The following MAGI3 variants were observed in gnomAD, a reference collection of about 807,000 sequenced individuals.
MAGI3 encodes membrane-associated guanylate kinase, WW and PDZ domain-containing protein 3.
A neutral mutation model predicts 121.8 loss-of-function variants in MAGI3; 43 were observed. The observed-to-expected ratio is 0.35, with a 90% CI of 0.28 to 0.46. The LOEUF (loss-of-function observed/expected upper bound fraction) is 0.46. MAGI3 is among the 20% of genes least tolerant of loss of function. MAGI3 has a pLI of 1.00. For missense variants in MAGI3, 1,547 were observed against 1,797.3 expected, an observed-to-expected ratio of 0.86 and a Z score of 2.52; for synonymous variants, 553 against 639.3, an observed-to-expected ratio of 0.86 and a Z score of 2.04.
At position 113,549,490 on chromosome 1, in the gene MAGI3, T is replaced by G. The variant is rs200084576; in HGVS notation, c.317-25T>G. ...CTAAAAATTATGCATTTATTTTCTGTTTTTTTTTTTTGTCTTTGCTCCAGG... is the reference window on the plus strand; with the variant it reads ...CTAAAAATTATGCATTTATTTTCTGGTTTTTTTTTTTGTCTTTGCTCCAGG... On this transcript the variant is annotated intron_variant, in intron 1 of 20. Transcript: ENST00000307546. The G allele has an allele frequency of 1.2e-3, 749 of 607,096 alleles. No homozygotes were observed. Among genetic ancestry groups the G allele is most frequent in the East Asian group, 2.0e-3 (40 of 20,144 alleles). 37.6% of individuals were successfully genotyped at this position (607,096 alleles called of 1,614,324 possible).
chr1:113,589,634 T>C (rs1374987304), intron 4 of MAGI3, among the ~76,000 whole-genome samples: 1 of 151,914 alleles, frequency 6.6e-6, no homozygotes, highest in African/African-American at 2.4e-5. Context: ...ATGGTTGGAG[T>C]TGAAATACTA....
intron 1 of MAGI3, among the ~76,000 whole-genome samples, chr1:113,521,009 T>G (rs1658148818): frequency 6.6e-6 from 1 of 152,148 alleles, no homozygotes; most frequent in Admixed American, 6.5e-5. Context: ...TGCTGGAACC[T>G]ATTTAGGCTC....
rs538966774 is a variant in MAGI3 at position 113,668,528 on chromosome 1, T to C, written c.2816-3206T>C. Among the ~76,000 whole-genome samples the C allele has an allele frequency of 2.0e-4, 30 of 151,322 alleles. 1 individual carries two copies. The East Asian group carries it at 5.6e-3, about 28-fold the overall frequency. ...GAATCCCAGTGATAGGAAGTTTTAC[T>C]TAAATTTGATGAAGACAACAAAACA... On this transcript the variant is annotated intron_variant, in intron 16 of 20. Coordinates refer to ENST00000307546, the MANE Select transcript of MAGI3 (RefSeq NM_001142782.2).
intron 1 of MAGI3, among the ~76,000 whole-genome samples, chr1:113,517,245 G>T (rs1246988151): frequency 1.3e-5 from 2 of 151,698 alleles, no homozygotes; most frequent in South Asian, 4.2e-4. Flanking sequence ...TTGATAATAG[G>T]GGGAATTGGT....
At chr1:113,555,353 A>G (rs909396225) in intron 2 of MAGI3, among the ~76,000 whole-genome samples, 2 of 152,232 alleles carry the variant, frequency 1.3e-5, no homozygotes, top group African/African-American at 2.4e-5. Context: ...AAAATAGACA[A>G]CTTTATAATT....
intron 2 of MAGI3, among the ~76,000 whole-genome samples, chr1:113,575,001 T>G (rs1454158107): frequency 1.3e-5 from 2 of 152,194 alleles, no homozygotes; most frequent in Non-Finnish European, 2.9e-5. Flanking sequence ...TTGTATATAC[T>G]TCATGAAGTT....
intron 2 of MAGI3, among the ~76,000 whole-genome samples, chr1:113,563,597 T>A (rs991251639): frequency 1.3e-5 from 2 of 152,126 alleles, no homozygotes; most frequent in African/African-American, 4.8e-5. Flanking sequence ...GATAGGTGAT[T>A]TCATGAGTAC....
chr1:113,561,413 C>T (rs1402844694), intron 2 of MAGI3, among the ~76,000 whole-genome samples: 1 of 152,118 alleles, frequency 6.6e-6, no homozygotes, highest in African/African-American at 2.4e-5. Flanking sequence ...AAAACTTATC[C>T]ACCACAATCA....
chr1:113,464,874 G>T (rs549018763), intron 1 of MAGI3, among the ~76,000 whole-genome samples: 1 of 151,916 alleles, frequency 6.6e-6, no homozygotes, highest in Non-Finnish European at 1.5e-5. Context: ...TGTTGTTTGC[G>T]CTCCATAAAT....
intron 1 of MAGI3, among the ~76,000 whole-genome samples, chr1:113,447,599 A>G (rs910407622): frequency 2.6e-5 from 4 of 152,346 alleles, no homozygotes; most frequent in African/African-American, 9.6e-5. Context: ...CACGCCTATA[A>G]TCCCAGCACT....
chr1:113,439,358 T>G (rs1653800019), intron 1 of MAGI3, among the ~76,000 whole-genome samples: 1 of 152,242 alleles, frequency 6.6e-6, no homozygotes, highest in Non-Finnish European at 1.5e-5. Flanking sequence ...ATTTCCAGAT[T>G]TCTTTTCCCT....
At chr1:113,521,173 G>A (rs1246819800) in intron 1 of MAGI3, among the ~76,000 whole-genome samples, 10 of 145,874 alleles carry the variant, frequency 6.9e-5, no homozygotes, top group Non-Finnish European at 9.0e-5. Flanking sequence ...TGCAACCTCC[G>A]CCTCCCGGGT....
chr1:113,593,611 C>T (rs1648825997), intron 5 of MAGI3, among the ~76,000 whole-genome samples: 2 of 152,106 alleles, frequency 1.3e-5, no homozygotes, highest in Non-Finnish European at 2.9e-5. Flanking sequence ...TATTTTCTTC[C>T]ATGACTTTTT....
At chr1:113,629,987 A>T (rs984129008) in intron 9 of MAGI3, among the ~76,000 whole-genome samples, 1 of 152,002 alleles carries the variant, frequency 6.6e-6, no homozygotes, top group Non-Finnish European at 1.5e-5. Context: ...CTGGAGCCCT[A>T]TGATCAGCAG....
chr1:113,667,862 G>A (rs1292555219), intron 16 of MAGI3, among the ~76,000 whole-genome samples: 1 of 152,164 alleles, frequency 6.6e-6, no homozygotes, highest in East Asian at 1.9e-4. Flanking sequence ...GAATAGAGGG[G>A]CCTGAGGAGA....
At chr1:113,610,708 C>T (rs1650070574) in intron 6 of MAGI3, among the ~76,000 whole-genome samples, 1 of 151,984 alleles carries the variant, frequency 6.6e-6, no homozygotes, top group South Asian at 2.1e-4. Context: ...ACCTGCCATT[C>T]GGGTGGATCA....
At chr1:113,566,206 T>C (rs184828568) in intron 2 of MAGI3, among the ~76,000 whole-genome samples, 111 of 152,290 alleles carry the variant, frequency 7.3e-4, no homozygotes, top group African/African-American at 2.5e-3. Context: ...AACATACACT[T>C]AACCATAATA....
chr1:113,466,820 T>C (rs1557772093), intron 1 of MAGI3, among the ~76,000 whole-genome samples: 1 of 152,100 alleles, frequency 6.6e-6, no homozygotes, highest in Non-Finnish European at 1.5e-5. Flanking sequence ...TCATTTCTGA[T>C]TTTATTTGGG....
intron 2 of MAGI3, among the ~76,000 whole-genome samples, chr1:113,554,756 T>G (rs1434693908): frequency 6.6e-6 from 1 of 151,840 alleles, no homozygotes; most frequent in African/African-American, 2.4e-5. Context: ...AGAAGCTCAA[T>G]AGATCCCAAG....
Sources: allele counts gnomAD v4.1 joint callset (sites outside exome capture counted in the v4.1 genomes callset), GRCh38; gene constraint gnomAD v4.1.1; transcripts MANE v1.5; gene names NCBI Gene and HGNC (gene_info 2026-07-23, HGNC 2026-07-21).